Variants in MOK observed in about 807,000 individuals in gnomAD.
MOK encodes MOK protein kinase, also known as MAPK/MAK/MRK overlapping kinase.
In MOK, 59 loss-of-function variants were observed where a neutral mutation model predicts 54.2. The observed-to-expected ratio is 1.09, with a 90% CI of 0.88 to 1.35. The LOEUF (loss-of-function observed/expected upper bound fraction) is 1.35, where lower values mean the gene tolerates loss of function less well. Ranked by LOEUF, MOK falls within the 40% of genes most tolerant of loss-of-function variation. The pLI, the probability that MOK is intolerant of heterozygous loss-of-function variation, is 0.00. For synonymous variants in MOK, 210 were observed against 202.7 expected (o/e 1.04, Z -0.31); for missense variants, 517 against 526.2 (o/e 0.98, Z 0.17).
chr14:102,273,938 A>C (rs8022504), intron 2 of MOK, among the ~76,000 whole-genome samples: 22,640 of 151,982 alleles, frequency 0.15, 2,667 homozygotes, highest in African/African-American at 0.32. Context: ...TCCTATTCAT[A>C]ATCTCAATAG....
chr14:102,251,322 C>A, intron 6 of MOK: 1 of 388,476 alleles, frequency 2.6e-6, no homozygotes, highest in South Asian at 2.3e-5. Context: ...GCTTGCCCAG[C>A]AAGGGCTCTT....
At chr14:102,265,477 C>G (rs973308350) in intron 3 of MOK, among the ~76,000 whole-genome samples, 8 of 151,980 alleles carry the variant, frequency 5.3e-5, no homozygotes, top group African/African-American at 1.9e-4. Context: ...ACTAAAAATA[C>G]AAAAATTAGC....
At position 102,231,877 on chromosome 14, in the gene MOK, G is replaced by C; in HGVS notation, c.867-56C>G. The C allele has an allele frequency of 7.0e-7, 1 of 1,422,252 alleles. No individual in the cohort carries two copies. The highest frequency in any genetic ancestry group is 1.4e-5 in the African/African-American group (1 of 70,836). The allele number at this position is 1,422,252 out of a possible 1,614,324, so 88.1% of individuals were successfully genotyped here. On this transcript the variant is annotated intron_variant, in intron 9 of 11. Transcript: ENST00000361847. This position sits in a 1 kb window ranked among gnomAD's most constrained non-coding sequence, Gnocchi z 4.4. Reference sequence around the variant, plus strand: ...TCCACTGAGAGCCCGCAGAGCACACGGCCTACTGGCTTCTTTGTCTCCAAT... The same window carrying C: ...TCCACTGAGAGCCCGCAGAGCACACCGCCTACTGGCTTCTTTGTCTCCAAT...
downstream of MOK, among the ~76,000 whole-genome samples, chr14:102,221,855 C>T (rs2063934102): frequency 6.6e-6 from 1 of 152,146 alleles, no homozygotes; most frequent in Admixed American, 6.5e-5. The surrounding 1 kb of genome is among the most constrained non-coding windows in gnomAD (Gnocchi z 4.8). Context: ...CAGCTGAAGC[C>T]TTCTTCCATG....
At chr14:102,298,165 G>A (rs997933155) in intron 1 of MOK, among the ~76,000 whole-genome samples, 1 of 152,264 alleles carries the variant, frequency 6.6e-6, no homozygotes, top group Non-Finnish European at 1.5e-5. Flanking sequence ...GTCTAGTGGG[G>A]ACTTAGAGAA....
Position 102,229,457 on chromosome 14 carries a change from C to G in MOK, c.1182G>C (p.Lys394Asn), listed in dbSNP as rs1201737498. The G allele has an allele frequency of 6.2e-7, 1 of 1,614,212 alleles. No individual in the cohort carries two copies. The highest frequency in any genetic ancestry group is 8.5e-7 in the Non-Finnish European group (1 of 1,180,038). Residue 394 changes from lysine (K) to asparagine (N), a missense_variant and splice_region_variant, in exon 11 of 12, where the codon AAG (lysine) becomes AAC (asparagine). By Grantham distance (94) the Lys-to-Asn change is moderately conservative (BLOSUM62 0). Transcript: ENST00000361847. ...RPLKCIPASKKTDPQKDLKPA... is the reference protein window; with the variant it reads ...RPLKCIPASKNTDPQKDLKPA... ...GTCAGAGAAGCTGGTTCCGCGCTAC[C>G]TTCTTGCTCGCAGGGATGCACTTCA...
chr14:102,240,093 G>A lies in MOK; in HGVS notation c.591-6304C>T, dbSNP rs977997265. 5.3e-5 allele frequency among the ~76,000 whole-genome samples: 8 copies of A among 152,116 alleles called. No individual in the cohort carries two copies. Among genetic ancestry groups the A allele is most frequent in the African/African-American group, 1.9e-4 (8 of 41,402 alleles). On this transcript the variant is annotated intron_variant, in intron 7 of 11. Coordinates refer to ENST00000361847, the MANE Select transcript of MOK (RefSeq NM_014226.3). This position sits in a 1 kb window ranked among gnomAD's most constrained non-coding sequence, Gnocchi z 5.4. ...TTGTGAAATTCCTTCTCCTGGCTCA[G>A]AAGCTTCCACACTGAGCACCTTGTG...
chr14:102,260,411 A>G (rs1271391928), intron 4 of MOK, among the ~76,000 whole-genome samples: 1 of 152,176 alleles, frequency 6.6e-6, no homozygotes, highest in Non-Finnish European at 1.5e-5. Context: ...GTTAATTCCT[A>G]TAAAGTATTA....
chr14:102,272,936 C>T (rs896733520), intron 2 of MOK, among the ~76,000 whole-genome samples: 7 of 152,126 alleles, frequency 4.6e-5, no homozygotes, highest in Non-Finnish European at 1.0e-4. Context: ...CTCTGGGAGG[C>T]CAAGGTGGGC....
At chr14:102,250,025 A>G (rs1261235730) in intron 7 of MOK, among the ~76,000 whole-genome samples, 4 of 152,188 alleles carry the variant, frequency 2.6e-5, no homozygotes, top group African/African-American at 9.7e-5. Context: ...GCTCATGGGA[A>G]GGGACTCTTG....
chr14:102,267,318 C>T (rs146577439), intron 2 of MOK, among the ~76,000 whole-genome samples: 1,878 of 152,294 alleles, frequency 0.012, 22 homozygotes, highest in Middle Eastern at 0.027. Context: ...GTAATCCCAG[C>T]ACTTTGGGAG....
intron 2 of MOK, among the ~76,000 whole-genome samples, chr14:102,276,898 G>A (rs1191327326): frequency 6.6e-6 from 1 of 151,966 alleles, no homozygotes; most frequent in Non-Finnish European, 1.5e-5. Flanking sequence ...ACCTAGGCTG[G>A]AGTGCAGTGG....
chr14:102,302,087 CTT>C (rs1165298757), intron 1 of MOK, among the ~76,000 whole-genome samples: 55 of 125,198 alleles, frequency 4.4e-4, no homozygotes, highest in Admixed American at 4.9e-4. Flanking sequence ...CACACATATA[CTT>C]TTTTTTTTTT....
intron 1 of MOK, among the ~76,000 whole-genome samples, chr14:102,285,351 G>A (rs1597551266): frequency 6.6e-6 from 1 of 152,174 alleles, no homozygotes; most frequent in Admixed American, 6.6e-5. Flanking sequence ...CAAGTGGCTA[G>A]CATGAGCCAC....
intron 7 of MOK, among the ~76,000 whole-genome samples, chr14:102,239,723 G>A (rs1240118152): frequency 6.6e-6 from 1 of 152,146 alleles, no homozygotes; most frequent in African/African-American, 2.4e-5. Context: ...ACAAAAATTA[G>A]CCGGGCATGG....
intron 4 of MOK, among the ~76,000 whole-genome samples, chr14:102,258,244 C>G (rs1473571854): frequency 6.6e-6 from 1 of 152,120 alleles, no homozygotes; most frequent in African/African-American, 2.4e-5. Context: ...AATTCTTACC[C>G]TCGCCCTACC....
intron 7 of MOK, among the ~76,000 whole-genome samples, chr14:102,237,112 CACA>C (rs1468452201): frequency 6.6e-6 from 1 of 152,214 alleles, no homozygotes; most frequent in Non-Finnish European, 1.5e-5. Flanking sequence ...ACCCTCCAGT[CACA>C]ACAACTAACC....
rs190539347 is a variant in MOK, at chr14:102,241,448, G to A, written c.591-7659C>T. ...TCCTCTTAAGGAGGTGGCTGGAGCCGAAGGCTTAGCCAAGGTTAATGCTCC... is the reference window on the plus strand; with the variant it reads ...TCCTCTTAAGGAGGTGGCTGGAGCCAAAGGCTTAGCCAAGGTTAATGCTCC... On this transcript the variant is annotated intron_variant, in intron 7 of 11. Coordinates refer to ENST00000361847, the MANE Select transcript of MOK (RefSeq NM_014226.3). Among the ~76,000 whole-genome samples the A allele has an allele frequency of 7.4e-4, 113 of 152,310 alleles. 1 individual carries two copies. Among genetic ancestry groups the A allele is most frequent in the African/African-American group, 2.6e-3 (108 of 41,544 alleles).
Position 102,232,604 on chromosome 14 carries a change from A to G in MOK, c.797T>C (p.Val266Ala), listed in dbSNP as rs544129107. The change falls in exon 9 of 12, where the codon GTG becomes GCG. Residue 266 changes from valine to alanine, a missense_variant. By Grantham distance (64) the Val-to-Ala change is moderately conservative. Transcript: ENST00000361847. The surrounding 1 kb of genome is among the most constrained non-coding windows in gnomAD (Gnocchi z 5.1). ...GATTCTCTCATCGGGATCATAGGCC[A>G]CCATTGCGTGCAGGAGGGAGAGGCA... Reference protein sequence around the residue: ...PQCLSLLHAMVAYDPDERIAA... With the variant: ...PQCLSLLHAMAAYDPDERIAA... 3 of 1,614,028 alleles carry G rather than the reference A, an allele frequency of 1.9e-6. No homozygotes were observed. The highest frequency in any genetic ancestry group is 1.3e-5 in the African/African-American group (1 of 74,914).
Sources: gnomAD v4.1 joint callset for allele counts (sites outside exome capture counted in the v4.1 genomes callset) on GRCh38, gnomAD v4.1.1 for gene constraint, Gnocchi (gnomAD v3.1) non-coding constraint, MANE v1.5 for transcripts, NCBI Gene and HGNC (gene_info 2026-07-23, HGNC 2026-07-21) for gene names.